The following NR6A1 variants were observed in gnomAD, a reference collection of about 807,000 sequenced individuals.
The protein encoded by NR6A1 is retinoic acid receptor-related testis-associated receptor.
A neutral mutation model predicts 59.1 loss-of-function variants in NR6A1; 7 were observed. The ratio of observed to expected loss-of-function variants is 0.12; its 90% CI spans 0.07 to 0.22. The LOEUF (loss-of-function observed/expected upper bound fraction) is 0.22, where lower values mean the gene tolerates loss of function less well. NR6A1 is among the 10% of genes least tolerant of loss of function. The probability of loss-of-function intolerance (pLI) is 1.00; values close to 1 mark genes in which losing one functional copy is unlikely to be tolerated. For missense variants in NR6A1, 468 were observed against 611.6 expected, an observed-to-expected ratio of 0.77 and a Z score of 2.48; for synonymous variants, 243 against 236.1, an observed-to-expected ratio of 1.03 and a Z score of -0.27.
At chr9:124,726,228 T>G (rs1453007289) in intron 2 of NR6A1, among the ~76,000 whole-genome samples, 1 of 152,174 alleles carries the variant, frequency 6.6e-6, no homozygotes, top group East Asian at 1.9e-4. Context: ...TCCTTAGTGG[T>G]AGGTGAGCAC....
intron 3 of NR6A1, among the ~76,000 whole-genome samples, chr9:124,549,443 G>T (rs1218149034): frequency 2.6e-5 from 4 of 152,204 alleles, no homozygotes; most frequent in Non-Finnish European, 5.9e-5. Context: ...ACTGCAAGAT[G>T]GGTAAGGAAC....
At chr9:124,658,147 T>C (rs572649894) in intron 2 of NR6A1, among the ~76,000 whole-genome samples, 1 of 152,254 alleles carries the variant, frequency 6.6e-6, no homozygotes, top group East Asian at 1.9e-4. Context: ...CTGACACAAG[T>C]AGAGAGGTGT....
rs570756105 is a variant in NR6A1 at position 124,633,976 on chromosome 9, T to C, written c.143-79406A>G. 1.2e-4 allele frequency among the ~76,000 whole-genome samples: 19 copies of C among 152,372 alleles called. No homozygotes were observed. The South Asian group carries it at 3.3e-3, about 27-fold the overall frequency. On this transcript the variant is annotated intron_variant, in intron 2 of 9. Coordinates refer to ENST00000487099, the MANE Select transcript of NR6A1 (RefSeq NM_033334.4). Reference sequence around the variant, plus strand: ...AAGGAACAGACAATACAGTACTTTATAGATTCAGAATGTTTTTGGAATATG... The same window carrying C: ...AAGGAACAGACAATACAGTACTTTACAGATTCAGAATGTTTTTGGAATATG...
chr9:124,754,049 A>G (rs1840576746), intron 1 of NR6A1, among the ~76,000 whole-genome samples: 1 of 152,082 alleles, frequency 6.6e-6, no homozygotes, highest in Non-Finnish European at 1.5e-5. Flanking sequence ...AAATTCAACA[A>G]CTCTGTAATG....
At chr9:124,688,673 A>G (rs529798918) in intron 2 of NR6A1, among the ~76,000 whole-genome samples, 6 of 152,346 alleles carry the variant, frequency 3.9e-5, no homozygotes, top group African/African-American at 1.4e-4. Context: ...GCAACATCGT[A>G]TCAGTGACAA....
intron 2 of NR6A1, among the ~76,000 whole-genome samples, chr9:124,603,340 A>G (rs1264502987): frequency 6.6e-6 from 1 of 152,100 alleles, no homozygotes; most frequent in African/African-American, 2.4e-5. Flanking sequence ...ATTTCTTAAT[A>G]GTGCATTCAT....
chr9:124,569,112 C>CA (rs914887647), intron 2 of NR6A1, among the ~76,000 whole-genome samples: 23 of 150,318 alleles, frequency 1.5e-4, no homozygotes, highest in Middle Eastern at 3.2e-3. Context: ...GACTCCATCT[C>CA]AAAAAAAAAT....
intron 3 of NR6A1, among the ~76,000 whole-genome samples, chr9:124,548,176 C>T (rs1361852174): frequency 6.6e-6 from 1 of 151,906 alleles, no homozygotes; most frequent in African/African-American, 2.4e-5. Flanking sequence ...AAACAAATAG[C>T]ATGATAAAGC....
intron 2 of NR6A1, chr9:124,598,746 T>C: frequency 1.1e-6 from 1 of 931,448 alleles, no homozygotes; most frequent in Non-Finnish European, 1.7e-6. Context: ...TTCTCCCTTC[T>C]CCTTCACCGA....
chr9:124,736,748 A>G (rs567047835), intron 1 of NR6A1, among the ~76,000 whole-genome samples: 47 of 152,206 alleles, frequency 3.1e-4, no homozygotes, highest in South Asian at 8.3e-4. Context: ...TGGGAGGCTG[A>G]GGTAGAGATC....
chr9:124,651,337 G>T (rs1837098503), intron 2 of NR6A1, among the ~76,000 whole-genome samples: 1 of 152,182 alleles, frequency 6.6e-6, no homozygotes, highest in Non-Finnish European at 1.5e-5. Context: ...GGAATTACAG[G>T]CATGAGCCAC....
intron 2 of NR6A1, among the ~76,000 whole-genome samples, chr9:124,587,955 A>G (rs1353186744): frequency 6.6e-6 from 1 of 151,772 alleles, no homozygotes; most frequent in Admixed American, 6.6e-5. Context: ...GCAGCCTTGA[A>G]CTCCTGGGCT....
chr9:124,660,059 G>A (rs1052193774), intron 2 of NR6A1, among the ~76,000 whole-genome samples: 1 of 152,072 alleles, frequency 6.6e-6, no homozygotes, highest in African/African-American at 2.4e-5. Flanking sequence ...TATTTTAAAG[G>A]GTTGTTTTCT....
intron 2 of NR6A1, among the ~76,000 whole-genome samples, chr9:124,662,702 T>C (rs898898961): frequency 3.9e-5 from 6 of 152,194 alleles, no homozygotes; most frequent in Non-Finnish European, 7.3e-5. Context: ...AAATGAAACA[T>C]TTGGACAGGA....
intron 2 of NR6A1, among the ~76,000 whole-genome samples, chr9:124,719,261 A>G (rs1460565946): frequency 6.6e-6 from 1 of 151,754 alleles, no homozygotes; most frequent in Non-Finnish European, 1.5e-5. Context: ...TAATTTTTGT[A>G]TATTTTGTAG....
At chr9:124,551,984 C>G (rs1192668816) in intron 3 of NR6A1, among the ~76,000 whole-genome samples, 1 of 152,238 alleles carries the variant, frequency 6.6e-6, no homozygotes, top group Non-Finnish European at 1.5e-5. Flanking sequence ...GCTCTGCATG[C>G]AAACAGTCCT....
At chr9:124,763,936 T>C (rs954362945) in intron 1 of NR6A1, among the ~76,000 whole-genome samples, 2 of 152,040 alleles carry the variant, frequency 1.3e-5, no homozygotes, top group East Asian at 3.9e-4. Flanking sequence ...GTAATCCCAG[T>C]ACTTTGGGAG....
chr9:124,605,621 C>T (rs1435429543), intron 2 of NR6A1, among the ~76,000 whole-genome samples: 2 of 152,026 alleles, frequency 1.3e-5, no homozygotes, highest in African/African-American at 4.8e-5. Context: ...AACAAACAAA[C>T]CCCACACTTT....
At chr9:124,656,561 T>C (rs1351001983) in intron 2 of NR6A1, among the ~76,000 whole-genome samples, 3 of 152,120 alleles carry the variant, frequency 2.0e-5, no homozygotes, top group Non-Finnish European at 4.4e-5. Flanking sequence ...CTAGGCACGG[T>C]GGGCTCATGC....
Sources: gnomAD v4.1 joint callset for allele counts (sites outside exome capture counted in the v4.1 genomes callset) on GRCh38, gnomAD v4.1.1 for gene constraint, MANE v1.5 for transcripts, NCBI Gene and HGNC (gene_info 2026-07-23, HGNC 2026-07-21) for gene names.